ARHGAP10: variants seen among roughly 807,000 people sequenced by gnomAD.
The protein encoded by ARHGAP10 is rho GTPase-activating protein 10.
ARHGAP10 carries 87 observed loss-of-function variants against 108.6 expected under a neutral mutation model. The ratio of observed to expected loss-of-function variants is 0.80; its 90% CI spans 0.67 to 0.96. ARHGAP10 has a LOEUF of 0.96. Ranked by LOEUF, ARHGAP10 falls within the 40% of genes least tolerant of loss-of-function variation. The pLI is 0.00. For missense variants in ARHGAP10, 939 were observed against 954.5 expected (o/e 0.98, Z 0.21); for synonymous variants, 347 against 341.1 (o/e 1.02, Z -0.19).
At chr4:148,064,387 G>A in intron 21 of ARHGAP10, 29 bp from the exon 22 acceptor site, 1 of 1,601,222 alleles carries the variant, frequency 6.2e-7, no homozygotes, top group African/African-American at 1.3e-5. Flanking sequence ...CATTTTCATT[G>A]GTGTCTTTTG....
intron 13 of ARHGAP10, 110 bp downstream of exon 13, chr4:147,913,249 C>G: frequency 1.1e-6 from 1 of 919,308 alleles, no homozygotes; most frequent in African/African-American, 1.7e-5. Context: ...CGTGTTAACA[C>G]AAATGCTCAT....
At chr4:148,063,050 G>C (rs1474571228) in intron 20 of ARHGAP10, 98 bp from the exon 21 acceptor site, 1 of 1,434,994 alleles carries the variant, frequency 7.0e-7, no homozygotes, top group Non-Finnish European at 9.7e-7. Context: ...GCATGATAGG[G>C]GAATTAGTGA....
chr4:148,071,181 A>G (rs367666348), intron 22 of ARHGAP10, among the ~76,000 whole-genome samples: 2 of 152,262 alleles, frequency 1.3e-5, no homozygotes, highest in South Asian at 2.1e-4. Flanking sequence ...CTGCACTTGC[A>G]AAGGCCTGGA....
chr4:147,958,082 C>T (rs567795132), intron 16 of ARHGAP10, among the ~76,000 whole-genome samples: 1 of 152,256 alleles, frequency 6.6e-6, no homozygotes, highest in African/African-American at 2.4e-5. Flanking sequence ...ATGTAGTTAC[C>T]TGGTCTATGG....
intron 4 of ARHGAP10, among the ~76,000 whole-genome samples, chr4:147,852,161 CTT>C (rs1733898984): frequency 6.6e-6 from 1 of 152,196 alleles, no homozygotes; most frequent in Non-Finnish European, 1.5e-5. Flanking sequence ...AGTTGCTCAG[CTT>C]TTTGTCCATT....
chr4:148,017,244 G>A (rs540184544), intron 18 of ARHGAP10, among the ~76,000 whole-genome samples: 3 of 152,134 alleles, frequency 2.0e-5, no homozygotes, highest in African/African-American at 2.4e-5. Flanking sequence ...AATATAGAGC[G>A]AGATGCCTTC....
intron 10 of ARHGAP10, among the ~76,000 whole-genome samples, chr4:147,899,355 GTC>G (rs1439253284): frequency 0.01 from 1,533 of 152,156 alleles, 20 homozygotes; most frequent in African/African-American, 0.034. Context: ...CTGTGTCTGT[GTC>G]TGTGTGTCTT....
intron 1 of ARHGAP10, among the ~76,000 whole-genome samples, chr4:147,821,911 A>G (rs1309245404): frequency 1.3e-5 from 2 of 152,190 alleles, no homozygotes; most frequent in African/African-American, 2.4e-5. Flanking sequence ...CTTCGCTGCT[A>G]TTGTTTGTAG....
At chr4:148,050,444 G>A in intron 20 of ARHGAP10, among the ~76,000 whole-genome samples, 1 of 139,776 alleles carries the variant, frequency 7.2e-6, no homozygotes, top group East Asian at 2.2e-4. Context: ...TGCCATCTCA[G>A]CTCACTGCAA....
At chr4:147,920,340 C>T (rs540578369) in intron 13 of ARHGAP10, among the ~76,000 whole-genome samples, 4 of 151,632 alleles carry the variant, frequency 2.6e-5, no homozygotes, top group Non-Finnish European at 4.4e-5. Context: ...TGGTGTGAAC[C>T]CGGGAGGTGG....
At chr4:147,887,065 G>A (rs1735599525) in intron 10 of ARHGAP10, among the ~76,000 whole-genome samples, 1 of 152,056 alleles carries the variant, frequency 6.6e-6, no homozygotes, top group Non-Finnish European at 1.5e-5. Flanking sequence ...CCCATGCTAT[G>A]TTTCCTTAGT....
chr4:147,989,735 A>T (rs895753813), intron 18 of ARHGAP10, among the ~76,000 whole-genome samples: 1 of 152,132 alleles, frequency 6.6e-6, no homozygotes, highest in African/African-American at 2.4e-5. Context: ...ATATTGCTCA[A>T]ACACACATGC....
At chr4:147,741,386 A>G (rs368810013) in intron 1 of ARHGAP10, among the ~76,000 whole-genome samples, 1 of 152,216 alleles carries the variant, frequency 6.6e-6, no homozygotes, top group African/African-American at 2.4e-5. Context: ...GGACTATATG[A>G]GAACTGGTTT....
rs376961217 is a variant in ARHGAP10 at position 147,867,638 on chromosome 4, G to A, written c.702+822G>A. Among the ~76,000 whole-genome samples the A allele has an allele frequency of 2.8e-4, 42 of 152,170 alleles. No homozygotes were observed. The South Asian group carries it at 8.1e-3, about 29-fold the overall frequency. On this transcript the variant is annotated intron_variant, in intron 7 of 22. Transcript: ENST00000336498. The stretch of plus-strand genomic sequence containing the variant: ...CCCAGCACTTTGGGAGGCCTAGGCG[G>A]GCAGATCGCGAGGTCAAGAGATTGA...
intron 7 of ARHGAP10, among the ~76,000 whole-genome samples, chr4:147,874,365 C>T (rs80184160): frequency 6.6e-6 from 1 of 152,104 alleles, no homozygotes; most frequent in African/African-American, 2.4e-5. Flanking sequence ...TCGGTGTAGC[C>T]GTTTGACAGA....
At chr4:147,927,775 CTG>C (rs1737519228) in intron 13 of ARHGAP10, among the ~76,000 whole-genome samples, 1 of 152,182 alleles carries the variant, frequency 6.6e-6, no homozygotes. Context: ...GGCGCAGAGG[CTG>C]TGAGATACTC....
At chr4:147,898,155 A>G (rs758324963) in intron 10 of ARHGAP10, among the ~76,000 whole-genome samples, 1 of 146,596 alleles carries the variant, frequency 6.8e-6, no homozygotes, top group Non-Finnish European at 1.5e-5. Context: ...ATCTTGTTCC[A>G]TTTCTTTTAA....
intron 13 of ARHGAP10, among the ~76,000 whole-genome samples, chr4:147,921,989 A>G (rs771148109): frequency 1.2e-4 from 18 of 152,240 alleles, no homozygotes; most frequent in Non-Finnish European, 2.1e-4. Context: ...ATCTCTGGAA[A>G]AAGATAATGG....
At chr4:148,047,321 G>A (rs1409707850) in intron 20 of ARHGAP10, among the ~76,000 whole-genome samples, 3 of 152,206 alleles carry the variant, frequency 2.0e-5, no homozygotes, top group Admixed American at 6.5e-5. Flanking sequence ...ATTCTGCAAC[G>A]GAAATTTGTT....
Sources: allele counts gnomAD v4.1 joint callset (sites outside exome capture counted in the v4.1 genomes callset), GRCh38; gene constraint gnomAD v4.1.1; transcripts MANE v1.5; gene names NCBI Gene and HGNC (gene_info 2026-07-23, HGNC 2026-07-21).